PRKCH: variants seen among roughly 807,000 people sequenced by gnomAD.
PRKCH encodes the protein protein kinase C eta.
A neutral mutation model predicts 82.5 loss-of-function variants in PRKCH; 28 were observed. The ratio of observed to expected loss-of-function variants is 0.34; its 90% CI spans 0.25 to 0.47. The LOEUF (loss-of-function observed/expected upper bound fraction) is 0.47, where lower values mean the gene tolerates loss of function less well. PRKCH is among the 20% of genes least tolerant of loss of function. The pLI is 1.00. For synonymous variants in PRKCH, 322 were observed against 327.4 expected (o/e 0.98, Z 0.18); for missense variants, 705 against 881.8 (o/e 0.80, Z 2.54).
rs533493597 is a variant in PRKCH at position 61,367,191 on chromosome 14, G to A, written c.364-24034G>A. On this transcript the variant is annotated intron_variant, in intron 1 of 13. Transcript: ENST00000332981. ...GGTGAGAGACAGGCAGATGAAGGAA[G>A]CATGAACTACCATCACAGAGAAAGG... Among the ~76,000 whole-genome samples, 23 of 152,184 alleles carry A rather than the reference G, an allele frequency of 1.5e-4. No homozygotes were observed. In the South Asian group the frequency reaches 4.6e-3, roughly 30 times the overall value.
At chr14:61,415,449 C>T (rs2140238354) in intron 2 of PRKCH, among the ~76,000 whole-genome samples, 1 of 152,330 alleles carries the variant, frequency 6.6e-6, no homozygotes, top group African/African-American at 2.4e-5. Context: ...CCCACACTTC[C>T]ATTTCCTTAG....
At chr14:61,213,020 A>C (rs1300395418) in intron 1 of PRKCH, among the ~76,000 whole-genome samples, 2 of 152,272 alleles carry the variant, frequency 1.3e-5, no homozygotes, top group Admixed American at 1.3e-4. Flanking sequence ...TTCTCTGCCA[A>C]GGCCTACCCT....
chr14:61,212,194 T>A (rs11627793), intron 1 of PRKCH, among the ~76,000 whole-genome samples: 3 of 152,126 alleles, frequency 2.0e-5, no homozygotes, highest in African/African-American at 7.2e-5. Context: ...AGAATTATGG[T>A]CTCTTTTCCT....
rs2043014876 is a variant in PRKCH, at chr14:61,529,362, A to T, written c.1572+149A>T. ...ACACCTCTAGACTCATTTATGGCTC[A>T]TTGGGTGAATGATGGCTGAAAATGG... On this transcript the variant is annotated intron_variant, in intron 11 of 13. Coordinates refer to ENST00000332981, the MANE Select transcript of PRKCH (RefSeq NM_006255.5). 1.1e-5 allele frequency: 9 copies of T among 827,950 alleles called. No individual in the cohort carries two copies. In the South Asian group the frequency reaches 3.1e-4, roughly 28 times the overall value. The allele number at this position is 827,950 out of a possible 1,614,324, so 51.3% of individuals were successfully genotyped here. A position where few individuals can be genotyped will look rare whatever the true frequency, so the allele number is the denominator to read the frequency against.
chr14:61,488,807 G>T (rs1293165377), intron 10 of PRKCH, among the ~76,000 whole-genome samples: 3 of 152,140 alleles, frequency 2.0e-5, no homozygotes, highest in Non-Finnish European at 2.9e-5. Flanking sequence ...ACTTGATGTG[G>T]TTTCTGATGA....
intron 1 of PRKCH, among the ~76,000 whole-genome samples, chr14:61,293,897 TA>T (rs773066598): frequency 1.3e-5 from 2 of 152,212 alleles, no homozygotes; most frequent in Non-Finnish European, 2.9e-5. Context: ...TCTTTCAAGG[TA>T]ATAATATGTT....
chr14:61,499,617 T>C (rs527597803), intron 10 of PRKCH, among the ~76,000 whole-genome samples: 11 of 152,094 alleles, frequency 7.2e-5, no homozygotes, highest in Non-Finnish European at 1.5e-4. Flanking sequence ...TGCGTCAAAA[T>C]TTACTGTGTT....
At chr14:61,432,898 T>C (rs1485196063) in intron 2 of PRKCH, among the ~76,000 whole-genome samples, 2 of 111,220 alleles carry the variant, frequency 1.8e-5, no homozygotes, top group Admixed American at 1.1e-4. Context: ...TTTTTTTTCC[T>C]TTATTTCTTC....
chr14:61,363,085 T>A (rs946330384), intron 1 of PRKCH, among the ~76,000 whole-genome samples: 1 of 152,184 alleles, frequency 6.6e-6, no homozygotes, highest in Non-Finnish European at 1.5e-5. Flanking sequence ...TGAGTGTCAG[T>A]GCATTAAACA....
chr14:61,331,437 TG>T (rs2045786857), intron 1 of PRKCH, among the ~76,000 whole-genome samples: 1 of 152,154 alleles, frequency 6.6e-6, no homozygotes, highest in Non-Finnish European at 1.5e-5. Context: ...GAGGATTGCT[TG>T]AGCCTAGGAG....
intron 1 of PRKCH, among the ~76,000 whole-genome samples, chr14:61,231,693 C>A (rs930583049): frequency 1.3e-5 from 2 of 152,012 alleles, no homozygotes; most frequent in African/African-American, 2.4e-5. Context: ...TTTCTTATTC[C>A]CGAAACTTGG....
chr14:61,440,094 A>G (rs1319695023), intron 2 of PRKCH, among the ~76,000 whole-genome samples: 9 of 152,204 alleles, frequency 5.9e-5, no homozygotes, highest in African/African-American at 2.2e-4. Context: ...TTTGGCCGGT[A>G]TTGAGCTGGG....
intron 4 of PRKCH, 151 bp from the exon 5 acceptor site, chr14:61,449,013 A>T: frequency 1.5e-6 from 1 of 661,542 alleles, no homozygotes; most frequent in Non-Finnish European, 2.7e-6. Context: ...ATGGTGGCGA[A>T]GGCAATAGGA....
chr14:61,517,181 C>T lies in PRKCH; in HGVS notation c.1434-11894C>T, dbSNP rs1231128034. ...TGCCAAAAGCAGCCTGCACATCCCT[C>T]CTGAGGCTGGTCCCGTAAATTCTTC... On this transcript the variant is annotated intron_variant, in intron 10 of 13. Coordinates refer to ENST00000332981, the MANE Select transcript of PRKCH (RefSeq NM_006255.5). Among the ~76,000 whole-genome samples, 19 of 152,190 alleles carry T rather than the reference C, an allele frequency of 1.2e-4. 1 individual carries two copies. Among genetic ancestry groups the T allele is most frequent in the African/African-American group, 3.1e-4 (13 of 41,430 alleles).
At chr14:61,546,245 T>C (rs993432122) in intron 12 of PRKCH, among the ~76,000 whole-genome samples, 1 of 152,216 alleles carries the variant, frequency 6.6e-6, no homozygotes, top group Non-Finnish European at 1.5e-5. Flanking sequence ...ACTTATAATA[T>C]GCATCTCCTG....
At chr14:61,275,496 G>A (rs527600380) in intron 1 of PRKCH, among the ~76,000 whole-genome samples, 1 of 152,162 alleles carries the variant, frequency 6.6e-6, no homozygotes. Context: ...CAATGTAGAG[G>A]GCAAGGCTAT....
At chr14:61,457,794 C>A in intron 9 of PRKCH, 115 bp downstream of exon 9, 3 of 1,399,596 alleles carry the variant, frequency 2.1e-6, no homozygotes, top group Non-Finnish European at 2.9e-6. Context: ...GATGGGCTCC[C>A]AAGGCAGGGT....
intron 1 of PRKCH, among the ~76,000 whole-genome samples, chr14:61,213,072 C>T (rs1019589275): frequency 1.3e-5 from 2 of 152,102 alleles, no homozygotes; most frequent in African/African-American, 2.4e-5. Flanking sequence ...AACACAGGGA[C>T]AGGCAGGAGG....
At chr14:61,254,229 C>T (rs1253591931) in intron 1 of PRKCH, among the ~76,000 whole-genome samples, 1 of 151,850 alleles carries the variant, frequency 6.6e-6, no homozygotes. Flanking sequence ...AAGAAAATTC[C>T]CCAAATTCTC....
Sources: allele counts gnomAD v4.1 joint callset (sites outside exome capture counted in the v4.1 genomes callset), GRCh38; gene constraint gnomAD v4.1.1; transcripts MANE v1.5; gene names NCBI Gene and HGNC (gene_info 2026-07-23, HGNC 2026-07-21).